The following CALD1 variants were observed in gnomAD, a reference collection of about 807,000 sequenced individuals.
CALD1 encodes the protein caldesmon.
Under a neutral mutation model 99.9 loss-of-function variants are expected in CALD1, and 33 were observed. The ratio of observed to expected loss-of-function variants is 0.33; its 90% CI spans 0.25 to 0.44. CALD1 has a LOEUF of 0.44. Among genes scored for constraint, CALD1 ranks in the 20% least tolerant of loss-of-function variants. The probability of loss-of-function intolerance (pLI) is 1.00; values close to 1 mark genes in which losing one functional copy is unlikely to be tolerated. For missense variants in CALD1, 861 were observed against 962.1 expected (o/e 0.89, Z 1.39); for synonymous variants, 310 against 325.0 (o/e 0.95, Z 0.50).
At chr7:134,727,730 G>C in the CALD1 span, among the ~76,000 whole-genome samples, 1 of 152,302 alleles carries the variant, frequency 6.6e-6, no homozygotes, top group East Asian at 1.9e-4. Context: ...AAACTGGCCT[G>C]TCTGGGGGTT....
At chr7:134,793,246 C>T (rs1284474510) in intron 1 of CALD1, among the ~76,000 whole-genome samples, 2 of 152,216 alleles carry the variant, frequency 1.3e-5, no homozygotes, top group Non-Finnish European at 2.9e-5. Context: ...TGGCCCTTTT[C>T]CGTCATTTTT....
chr7:134,779,617 G>A (rs1050388408), upstream of CALD1: 1 of 398,768 alleles, frequency 2.5e-6, no homozygotes, highest in African/African-American at 2.1e-5. Flanking sequence ...GCGGTCTGGA[G>A]TTTTATTGAA....
the CALD1 span, among the ~76,000 whole-genome samples, chr7:134,719,647 C>A: frequency 6.6e-6 from 1 of 152,026 alleles, no homozygotes; most frequent in Non-Finnish European, 1.5e-5. Context: ...TGTAGCTGGG[C>A]CCATCAATGG....
At chr7:134,870,467 G>T (rs978859055) in intron 3 of CALD1, among the ~76,000 whole-genome samples, 5 of 152,182 alleles carry the variant, frequency 3.3e-5, no homozygotes, top group African/African-American at 1.2e-4. Flanking sequence ...GCACGGCTAC[G>T]TGGTTCGTTC....
Position 134,784,758 on chromosome 7 carries a change from G to C in CALD1, c.-130+5009G>C, listed in dbSNP as rs536606595. ...CCCAAATAGGACCAGGGCCCAAAGA[G>C]AGTAGAGTTAGAGTCAAGGTGGGTG... On this transcript the variant is annotated intron_variant, in intron 1 of 14. Coordinates refer to ENST00000361675, the MANE Select transcript of CALD1 (RefSeq NM_033138.4). Among the ~76,000 whole-genome samples, 58 of 152,294 alleles carry C rather than the reference G, an allele frequency of 3.8e-4. 2 individuals carry two copies. The highest frequency in any genetic ancestry group is 1.4e-3 in the African/African-American group (58 of 41,558).
chr7:134,891,401 A>C, intron 3 of CALD1: 2 of 1,267,232 alleles, frequency 1.6e-6, no homozygotes, highest in Admixed American at 3.6e-5. Flanking sequence ...TGAGGAGGGA[A>C]CGGGTTGGGA....
At chr7:134,750,246 T>A (rs963905946) in intron 1 of CALD1, among the ~76,000 whole-genome samples, 2 of 114,098 alleles carry the variant, frequency 1.8e-5, no homozygotes, top group African/African-American at 3.4e-5. Context: ...CCTTCCTCCA[T>A]CCAGGCTTGT....
chr7:134,907,569 G>GT (rs1563085711), intron 3 of CALD1, among the ~76,000 whole-genome samples: 1 of 152,118 alleles, frequency 6.6e-6, no homozygotes, highest in African/African-American at 2.4e-5. Flanking sequence ...AAGCATGCAA[G>GT]TAAAATTTCC....
At chr7:134,773,659 T>C (rs11769810) in intron 1 of CALD1, among the ~76,000 whole-genome samples, 61,373 of 152,016 alleles carry the variant, frequency 0.4, 13,077 homozygotes, top group Admixed American at 0.52. Flanking sequence ...TTCTGTTCTC[T>C]GAAAGTGCCT....
At chr7:134,920,999 T>C (rs1430037704) in intron 3 of CALD1, among the ~76,000 whole-genome samples, 1 of 152,258 alleles carries the variant, frequency 6.6e-6, no homozygotes, top group Non-Finnish European at 1.5e-5. Context: ...TCTGCATTTG[T>C]GTGTGTGCTT....
chr7:134,968,228 G>T lies in CALD1; in HGVS notation c.2377-112G>T, dbSNP rs543900808. ...CTCCCTTTCATAAATATTTATTCCT[G>T]CCATACTATTATTCATTTTTCTTCT... On this transcript the variant is annotated intron_variant, in intron 14 of 14. Transcript: ENST00000361675. The T allele has an allele frequency of 2.3e-5, 19 of 812,664 alleles. No individual in the cohort carries two copies. The African/African-American group carries it at 3.2e-4, about 14-fold the overall frequency. The allele number at this position is 812,664 out of a possible 1,614,324, so 50.3% of individuals were successfully genotyped here.
At chr7:134,729,940 T>C in the CALD1 span, among the ~76,000 whole-genome samples, 1 of 152,188 alleles carries the variant, frequency 6.6e-6, no homozygotes, top group Admixed American at 6.5e-5. Context: ...TTTATGCTCC[T>C]GGATGGTGGG....
chr7:134,967,146 A>G (rs2133302095), intron 14 of CALD1, among the ~76,000 whole-genome samples: 1 of 152,254 alleles, frequency 6.6e-6, no homozygotes, highest in East Asian at 1.9e-4. Flanking sequence ...GATGATGTGG[A>G]ATGGTCAGAC....
intron 3 of CALD1, among the ~76,000 whole-genome samples, chr7:134,917,084 G>T (rs1039549838): frequency 6.6e-6 from 1 of 152,186 alleles, no homozygotes; most frequent in Non-Finnish European, 1.5e-5. Flanking sequence ...TGCATATCCA[G>T]ATCTAGACCT....
chr7:134,914,256 T>C (rs1323176101), intron 3 of CALD1, among the ~76,000 whole-genome samples: 1 of 152,116 alleles, frequency 6.6e-6, no homozygotes, highest in Non-Finnish European at 1.5e-5. Flanking sequence ...GAAATTCCAT[T>C]CTGAAAAATG....
At position 134,817,787 on chromosome 7, in the gene CALD1, C is replaced by A. The variant is rs566664790; in HGVS notation, c.-129-26097C>A. ...TAAGTGAAGTAGTAATTATCTTACT[C>A]ATTCCATTATTGAAGACCTCTTCAA... On this transcript the variant is annotated intron_variant, in intron 1 of 14. Coordinates refer to ENST00000361675, the MANE Select transcript of CALD1 (RefSeq NM_033138.4). 5.3e-5 allele frequency among the ~76,000 whole-genome samples: 8 copies of A among 152,250 alleles called. No homozygotes were observed. In the South Asian group the frequency reaches 1.7e-3, roughly 32 times the overall value.
At chr7:134,744,509 A>G (rs1378060037) in intron 1 of CALD1, 1 of 151,524 alleles carries the variant, frequency 6.6e-6, no homozygotes, top group Non-Finnish European at 1.5e-5. Flanking sequence ...AGAATGAGAG[A>G]GAGCAAGATT....
intron 2 of CALD1, 137 bp downstream of exon 2, chr7:134,844,108 T>C (rs544664281): frequency 6.6e-6 from 1 of 152,358 alleles, no homozygotes; most frequent in South Asian, 2.1e-4. Flanking sequence ...GCCCTCCTAC[T>C]TTACTTGCCA....
intron 2 of CALD1, among the ~76,000 whole-genome samples, chr7:134,859,909 T>C (rs1030745062): frequency 2.0e-5 from 3 of 152,142 alleles, no homozygotes; most frequent in Non-Finnish European, 4.4e-5. Context: ...AGAAAGGGCA[T>C]AAAGACATTG....
Sources: allele counts gnomAD v4.1 joint callset (sites outside exome capture counted in the v4.1 genomes callset), GRCh38; gene constraint gnomAD v4.1.1; transcripts MANE v1.5; gene names NCBI Gene and HGNC (gene_info 2026-07-23, HGNC 2026-07-21).